The following SIPA1L3 variants were observed in gnomAD, a reference collection of about 807,000 sequenced individuals.
SIPA1L3 encodes signal induced proliferation associated 1 like 3.
A neutral mutation model predicts 150.1 loss-of-function variants in SIPA1L3; 59 were observed. The observed-to-expected ratio is 0.39, with a 90% CI of 0.32 to 0.49. SIPA1L3 has a LOEUF of 0.49. Ranked by LOEUF, SIPA1L3 falls within the 20% of genes least tolerant of loss-of-function variation. The probability of loss-of-function intolerance (pLI) is 0.86; values close to 1 mark genes in which losing one functional copy is unlikely to be tolerated. For synonymous variants in SIPA1L3, 1,070 were observed against 1,077.6 expected, an observed-to-expected ratio of 0.99 and a Z score of 0.14; for missense variants, 2,211 against 2,489.5, an observed-to-expected ratio of 0.89 and a Z score of 2.38.
Position 38,081,885 on chromosome 19 carries a change from G to A in SIPA1L3, c.320G>A (p.Gly107Asp). Residue 107 changes from glycine (G) to aspartate (D), a missense_variant, in exon 3 of 22, where the codon GGC becomes GAC. Physicochemically the swap from Gly to Asp is moderately conservative, Grantham distance 94 (BLOSUM62 -1). This residue lies in a region of SIPA1L3 where 130 missense variants were observed against 174.5 expected (regional missense o/e 0.74). Transcript: ENST00000222345. ...SNPSPSQDTD[G>D]TKATKMAHSM... ...CCAAGCCCCTCCCAGGACACAGATG[G>A]CACAAAGGCCACCAAGATGGCCCAT... is the stretch of plus-strand genomic sequence containing the variant. 6.8e-6 allele frequency: 11 copies of A among 1,614,168 alleles called. No individual in the cohort carries two copies. Among genetic ancestry groups the A allele is most frequent in the Non-Finnish European group, 9.3e-6 (11 of 1,180,004 alleles).
Position 38,192,285 on chromosome 19 carries a change from G to A in SIPA1L3, c.4571G>A (p.Gly1524Glu), listed in dbSNP as rs1166008579. 1 of 1,611,362 alleles carries A rather than the reference G, an allele frequency of 6.2e-7. No individual in the cohort carries two copies. Among genetic ancestry groups the A allele is most frequent in the African/African-American group, 1.3e-5 (1 of 74,694 alleles). Residue 1524 changes from glycine to glutamate, a missense_variant, in exon 17 of 22, where the codon GGG becomes GAG. Physicochemically the swap from Gly to Glu is moderately conservative, Grantham distance 98. Transcript: ENST00000222345. ...AAACTCATCATCATGGACAACCTGG[G>A]GCCAGAGCAGGAGAGAGACACGGGA... ...LKKLIIMDNL[G>E]PEQERDTGQS...
At chr19:38,035,783 G>A in intron 2 of SIPA1L3, among the ~76,000 whole-genome samples, 1 of 152,158 alleles carries the variant, frequency 6.6e-6, no homozygotes, top group Non-Finnish European at 1.5e-5. Flanking sequence ...ATAATGAGGA[G>A]GAGGAGGATG....
intron 20 of SIPA1L3, among the ~76,000 whole-genome samples, chr19:38,202,458 C>G (rs1365123684): frequency 1.3e-5 from 2 of 151,962 alleles, no homozygotes; most frequent in Admixed American, 6.6e-5. Flanking sequence ...CGTGGTGGTG[C>G]GTGCCTGTAA....
At chr19:38,086,454 C>T (rs1018669850) in intron 3 of SIPA1L3, among the ~76,000 whole-genome samples, 4 of 151,792 alleles carry the variant, frequency 2.6e-5, no homozygotes, top group African/African-American at 9.7e-5. Context: ...TTTCGGAGGC[C>T]GAGGTAGGAT....
At chr19:38,066,163 C>T (rs905937366) in intron 2 of SIPA1L3, among the ~76,000 whole-genome samples, 2 of 151,660 alleles carry the variant, frequency 1.3e-5, no homozygotes, top group Admixed American at 6.6e-5. Flanking sequence ...TAGGCATGCA[C>T]CACCACACCT....
Position 37,938,109 on chromosome 19 carries a change from ATAT to A in SIPA1L3, c.-379+30755_-379+30757del, listed in dbSNP as rs1236542077. Among the ~76,000 whole-genome samples the A allele has an allele frequency of 3.3e-5, 5 of 152,158 alleles. No homozygotes were observed. In the East Asian group the frequency reaches 9.6e-4, roughly 29 times the overall value. On this transcript the variant is annotated intron_variant, in intron 1 of 21. Coordinates refer to ENST00000222345, the MANE Select transcript of SIPA1L3 (RefSeq NM_015073.3). ...TTCTGAGACTTGCATTTTTCAGCTA[ATAT>A]TATGATTCTAACATTGATTTAGACT...
rs199877107 is a variant in SIPA1L3, at chr19:38,182,584, G to C, written c.4274G>C (p.Arg1425Pro). 6.2e-7 allele frequency: 1 copy of C among 1,614,064 alleles called. No homozygotes were observed. The highest frequency in any genetic ancestry group is 1.1e-5 in the South Asian group (1 of 91,076). ...VYKTASAETP[R>P]PSQLAQPSPF... ...AAAACTGCCAGTGCAGAGACTCCTC[G>C]GCCCTCCCAGCTGGCCCAGCCCAGC... is the stretch of plus-strand genomic sequence containing the variant. The change falls in exon 16 of 22, where the codon CGG (arginine) becomes CCG (proline). Residue 1425 changes from arginine (R) to proline (P), a missense_variant. By Grantham distance (103) the Arg-to-Pro change is moderately radical (BLOSUM62 -2). Around this residue, in one of 5 missense-constraint regions of SIPA1L3, gnomAD observed 806 missense variants for 870.1 expected, o/e 0.93. Coordinates refer to ENST00000222345, the MANE Select transcript of SIPA1L3 (RefSeq NM_015073.3).
At chr19:38,044,514 G>A (rs1969005698) in intron 2 of SIPA1L3, among the ~76,000 whole-genome samples, 1 of 152,126 alleles carries the variant, frequency 6.6e-6, no homozygotes, top group African/African-American at 2.4e-5. Flanking sequence ...GTTGATGAGG[G>A]CCCGAGGTGA....
chr19:38,201,757 T>C (rs1973091939), intron 19 of SIPA1L3, 105 bp from the exon 20 acceptor site: 1 of 1,300,518 alleles, frequency 7.7e-7, no homozygotes, highest in Non-Finnish European at 1.0e-6. Flanking sequence ...GTCCCAAGTG[T>C]GATAGGAGGC....
In SIPA1L3 at chr19:37,989,363, G is replaced by A. The variant is rs372714097; in HGVS notation, c.-378-39726G>A. Reference sequence around the variant, plus strand: ...GCCTCCTGAGTAGCTGAGACTACAGGTGTGCGCCATCACTCCTGGCTAATT... The same window carrying A: ...GCCTCCTGAGTAGCTGAGACTACAGATGTGCGCCATCACTCCTGGCTAATT... On this transcript the variant is annotated intron_variant, in intron 1 of 21. Transcript: ENST00000222345. 1.1e-4 allele frequency among the ~76,000 whole-genome samples: 17 copies of A among 152,216 alleles called. No individual in the cohort carries two copies. The East Asian group carries it at 3.1e-3, about 28-fold the overall frequency.
chr19:38,140,840 C>G (rs1025839085), intron 10 of SIPA1L3, among the ~76,000 whole-genome samples: 2 of 151,912 alleles, frequency 1.3e-5, no homozygotes, highest in African/African-American at 4.8e-5. Context: ...GGTGGATAAC[C>G]TGAGGTCAGG....
intron 1 of SIPA1L3, among the ~76,000 whole-genome samples, chr19:37,996,620 T>C (rs566298708): frequency 5.3e-5 from 8 of 152,304 alleles, no homozygotes; most frequent in Non-Finnish European, 1.2e-4. Context: ...CTTGAACTTA[T>C]TTCTCTTGTC....
intron 1 of SIPA1L3, among the ~76,000 whole-genome samples, chr19:37,973,568 G>A (rs1443721723): frequency 4.3e-5 from 6 of 138,348 alleles, no homozygotes; most frequent in South Asian, 2.5e-4. Flanking sequence ...GGAGGGGGGC[G>A]CATCTTGAAG....
intron 2 of SIPA1L3, among the ~76,000 whole-genome samples, chr19:38,071,235 A>ATCTATCTATCTATCTATCTGTCTGTCTG (rs1850359092): frequency 6.6e-6 from 1 of 151,540 alleles, no homozygotes; most frequent in African/African-American, 2.4e-5. Context: ...CTATCTATCT[A>ATCTATCTATCTATCTATCTGTCTGTCTG]TCTATCTATC....
At chr19:37,976,711 G>A (rs1428342952) in intron 1 of SIPA1L3, among the ~76,000 whole-genome samples, 1 of 152,208 alleles carries the variant, frequency 6.6e-6, no homozygotes, top group East Asian at 1.9e-4. Context: ...ATGAGAACCG[G>A]AGGGTTGCTT....
intron 2 of SIPA1L3, among the ~76,000 whole-genome samples, chr19:38,078,914 C>T (rs1013791675): frequency 1.3e-5 from 2 of 152,190 alleles, no homozygotes; most frequent in South Asian, 2.1e-4. Flanking sequence ...AGGGAAGTGA[C>T]CCCGCAGGGT....
At chr19:37,945,949 G>A (rs1337368116) in intron 1 of SIPA1L3, among the ~76,000 whole-genome samples, 1 of 152,078 alleles carries the variant, frequency 6.6e-6, no homozygotes, top group Non-Finnish European at 1.5e-5. Flanking sequence ...GAGGTCAGGA[G>A]TTCAAGACCA....
In SIPA1L3 at chr19:37,937,741, C is replaced by CAAAAAAAAAAAAAA. The variant is rs34881450; in HGVS notation, c.-379+30393_-379+30406dup. On this transcript the variant is annotated intron_variant, in intron 1 of 21. Coordinates refer to ENST00000222345, the MANE Select transcript of SIPA1L3 (RefSeq NM_015073.3). The stretch of plus-strand genomic sequence containing the variant: ...AGGGCGACAGAGTGAAACCCTGTCT[C>CAAAAAAAAAAAAAA]AAAAAAAAAAAAAAAAAAAAAAAGA... 1.8e-3 allele frequency among the ~76,000 whole-genome samples: 33 copies of CAAAAAAAAAAAAAA among 18,670 alleles called. 3 individuals carry two copies. Among genetic ancestry groups the CAAAAAAAAAAAAAA allele is most frequent in the Middle Eastern group, 0.056 (1 of 18 alleles). 12.2% of individuals were successfully genotyped at this position (18,670 alleles called of 152,430 possible).
chr19:38,025,079 C>T (rs1968472088), intron 1 of SIPA1L3, among the ~76,000 whole-genome samples: 1 of 152,198 alleles, frequency 6.6e-6, no homozygotes, highest in Non-Finnish European at 1.5e-5. Flanking sequence ...TCAGCAGTCC[C>T]CCTGCCTTAC....
Sources: gnomAD v4.1 joint callset for allele counts (sites outside exome capture counted in the v4.1 genomes callset) on GRCh38, gnomAD v4.1.1 for gene constraint, gnomAD v4.1.1 regional missense constraint, MANE v1.5 for transcripts, NCBI Gene and HGNC (gene_info 2026-07-23, HGNC 2026-07-21) for gene names.